PIEZO2: variants seen among roughly 807,000 people sequenced by gnomAD.
The protein encoded by PIEZO2 is piezo-type mechanosensitive ion channel component 2.
PIEZO2 carries 172 observed loss-of-function variants against 337.3 expected under a neutral mutation model. The observed-to-expected ratio is 0.51, with a 90% confidence interval of 0.45 to 0.58. The LOEUF (loss-of-function observed/expected upper bound fraction) is 0.58. Among genes scored for constraint, PIEZO2 ranks in the 20% least tolerant of loss-of-function variants. PIEZO2 has a pLI of 0.00. For synonymous variants in PIEZO2, 1,251 were observed against 1,228.5 expected (o/e 1.02, Z -0.38); for missense variants, 3,028 against 3,391.3 (o/e 0.89, Z 2.66).
intron 7 of PIEZO2, among the ~76,000 whole-genome samples, chr18:10,852,677 T>C (rs2041589211): frequency 6.6e-6 from 1 of 152,222 alleles, no homozygotes; most frequent in Admixed American, 6.5e-5. Flanking sequence ...ATATTCATGT[T>C]CTTTTAAATT....
rs1222258212 is a variant in PIEZO2 at position 10,675,035 on chromosome 18, G to A, written c.8161+174C>T. 8.5e-5 allele frequency among the ~76,000 whole-genome samples: 13 copies of A among 152,304 alleles called. No individual in the cohort carries two copies. The East Asian group carries it at 1.9e-3, about 23-fold the overall frequency. The stretch of plus-strand genomic sequence containing the variant: ...AGAAAATGAAGAATGTGGGTCCCAG[G>A]TGAGTGAGTGACTCCTTTGGGCTAG... On this transcript the variant is annotated intron_variant, in intron 54 of 55. Transcript: ENST00000674853.
chr18:10,763,784 G>C (rs2038237515), intron 21 of PIEZO2, among the ~76,000 whole-genome samples: 1 of 152,196 alleles, frequency 6.6e-6, no homozygotes, highest in Non-Finnish European at 1.5e-5. Context: ...GTGGGGACTG[G>C]ACACGACTTT....
In PIEZO2 at chr18:11,096,084, C is replaced by T. The variant is rs1394680917; in HGVS notation, c.65-29862G>A. Among the ~76,000 whole-genome samples the T allele has an allele frequency of 1.3e-5, 2 of 152,226 alleles. No individual in the cohort carries two copies. The highest frequency in any genetic ancestry group is 6.5e-5 in the Admixed American group (1 of 15,286). Reference sequence around the variant, plus strand: ...CTGCATGGAAAGGGCTTGGAACCAGCGGAGCTGTCCAAGTGAGGCTTCCAT... The same window carrying T: ...CTGCATGGAAAGGGCTTGGAACCAGTGGAGCTGTCCAAGTGAGGCTTCCAT... On this transcript the variant is annotated intron_variant, in intron 1 of 55. Transcript: ENST00000674853. This position sits in a 1 kb window ranked among gnomAD's most constrained non-coding sequence, Gnocchi z 4.6.
At chr18:10,786,250 A>G (rs1360478614) in intron 16 of PIEZO2, among the ~76,000 whole-genome samples, 1 of 152,224 alleles carries the variant, frequency 6.6e-6, no homozygotes, top group African/African-American at 2.4e-5. Flanking sequence ...TTTTACACTA[A>G]ATAGTTTTGT....
rs190514941 is a variant in PIEZO2 at position 10,723,885 on chromosome 18, T to C, written c.5030-5626A>G. ...CAGATGGCTCAGAGGAGAGAGGGTA[T>C]TCTGGGGGGTACTGGCATAAGCATG... On this transcript the variant is annotated intron_variant, in intron 36 of 55. Transcript: ENST00000674853. Among the ~76,000 whole-genome samples the C allele has an allele frequency of 2.6e-5, 4 of 152,292 alleles. No homozygotes were observed. The East Asian group carries it at 7.7e-4, about 29-fold the overall frequency.
At position 11,125,815 on chromosome 18, in the gene PIEZO2, A is replaced by T. The variant is rs2040165825; in HGVS notation, c.64+22710T>A. Reference sequence around the variant, plus strand: ...GTCCCTGCCAGCATTGGCTTTCATCAATTTGATTGTATGAAGTGGCTGAGT... The same window carrying T: ...GTCCCTGCCAGCATTGGCTTTCATCTATTTGATTGTATGAAGTGGCTGAGT... On this transcript the variant is annotated intron_variant, in intron 1 of 55. Transcript: ENST00000674853. The surrounding 1 kb of genome is among the most constrained non-coding windows in gnomAD (Gnocchi z 4.4). Among the ~76,000 whole-genome samples the T allele has an allele frequency of 6.6e-6, 1 of 152,122 alleles. No homozygotes were observed. The highest frequency in any genetic ancestry group is 2.1e-4 in the South Asian group (1 of 4,822).
intron 4 of PIEZO2, among the ~76,000 whole-genome samples, chr18:10,909,182 G>A (rs191009204): frequency 1.3e-5 from 2 of 152,250 alleles, no homozygotes; most frequent in African/African-American, 2.4e-5. Context: ...TGTTCCCAGA[G>A]GCTGAACGTG....
At chr18:10,984,403 C>G (rs993155485) in intron 2 of PIEZO2, among the ~76,000 whole-genome samples, 1 of 151,498 alleles carries the variant, frequency 6.6e-6, no homozygotes, top group South Asian at 2.1e-4. Context: ...AAAGAAAGAA[C>G]CAAACAAAAA....
At chr18:10,718,852 G>A (rs1037936075) in intron 36 of PIEZO2, among the ~76,000 whole-genome samples, 2 of 151,920 alleles carry the variant, frequency 1.3e-5, no homozygotes, top group African/African-American at 4.8e-5. Flanking sequence ...AATATTAGCT[G>A]GGTGTGGTGG....
intron 11 of PIEZO2, 63 bp from the exon 12 acceptor site, chr18:10,797,585 C>T: frequency 6.6e-7 from 1 of 1,523,462 alleles, no homozygotes; most frequent in Middle Eastern, 1.7e-4. Flanking sequence ...ATAAATGTTC[C>T]AAGCAATGCA....
chr18:10,726,502 G>T lies in PIEZO2; in HGVS notation c.5029+4905C>A. The T allele has an allele frequency of 6.7e-7, 1 of 1,496,356 alleles. No individual in the cohort carries two copies. Among genetic ancestry groups the T allele is most frequent in the Non-Finnish European group, 8.9e-7 (1 of 1,128,380 alleles). 92.7% of individuals were successfully genotyped at this position (1,496,356 alleles called of 1,614,324 possible). A position where few individuals can be genotyped will look rare whatever the true frequency, so the allele number is the denominator to read the frequency against. ...CCCTGCACAGCGTGCTGCTCCGCAAGCAGCCGTTCCTGTGGCGCGCTGCGC... is the reference window on the plus strand; with the variant it reads ...CCCTGCACAGCGTGCTGCTCCGCAATCAGCCGTTCCTGTGGCGCGCTGCGC... On this transcript the variant is annotated intron_variant, in intron 36 of 55. Coordinates refer to ENST00000674853, the MANE Select transcript of PIEZO2 (RefSeq NM_001378183.1). This position sits in a 1 kb window ranked among gnomAD's most constrained non-coding sequence, Gnocchi z 5.9.
intron 36 of PIEZO2, among the ~76,000 whole-genome samples, chr18:10,722,957 A>ATTTTTAT (rs2036381774): frequency 3.6e-5 from 3 of 84,340 alleles, no homozygotes; most frequent in South Asian, 9.7e-4. Flanking sequence ...GGATGCAGTG[A>ATTTTTAT]TTTTTTTTTT....
intron 36 of PIEZO2, among the ~76,000 whole-genome samples, chr18:10,721,721 G>A (rs887545726): frequency 1.3e-5 from 2 of 152,096 alleles, no homozygotes; most frequent in East Asian, 1.9e-4. Context: ...AAACACACCC[G>A]AGAAGAAAGA....
chr18:11,024,519 C>G lies in PIEZO2; in HGVS notation c.160+41608G>C, dbSNP rs557229410. Among the ~76,000 whole-genome samples, 999 of 143,160 alleles carry G rather than the reference C, an allele frequency of 7.0e-3. 12 individuals are homozygous for G. The highest frequency in any genetic ancestry group is 8.5e-3 in the Non-Finnish European group (566 of 66,266). 93.9% of individuals were successfully genotyped at this position (143,160 alleles called of 152,430 possible). A position where few individuals can be genotyped will look rare whatever the true frequency, so the allele number is the denominator to read the frequency against. On this transcript the variant is annotated intron_variant, in intron 2 of 55. Transcript: ENST00000674853. The stretch of plus-strand genomic sequence containing the variant: ...CGAGATCGCGCCACTGCACTCCAGC[C>G]TGGGCGACAGAGCGAGACTCTGTCT...
intron 4 of PIEZO2, among the ~76,000 whole-genome samples, chr18:10,892,216 G>T (rs552106505): frequency 3.9e-5 from 6 of 152,030 alleles, no homozygotes; most frequent in Non-Finnish European, 8.8e-5. Flanking sequence ...AATACCATTA[G>T]CAATAAAAGG....
Position 10,980,537 on chromosome 18 carries a change from T to G in PIEZO2, c.161-877A>C, listed in dbSNP as rs184524510. Among the ~76,000 whole-genome samples, 5 of 152,298 alleles carry G rather than the reference T, an allele frequency of 3.3e-5. No homozygotes were observed. The highest frequency in any genetic ancestry group is 1.2e-4 in the African/African-American group (5 of 41,572). On this transcript the variant is annotated intron_variant, in intron 2 of 55. Transcript: ENST00000674853. This position sits in a 1 kb window ranked among gnomAD's most constrained non-coding sequence, Gnocchi z 4.8. ...CTGGTCAATGCCATAAGATAAGAGA[T>G]ACAATGAAGATTGTTAACTAGACTT...
At chr18:11,000,483 C>T (rs961644465) in intron 2 of PIEZO2, among the ~76,000 whole-genome samples, 8 of 152,132 alleles carry the variant, frequency 5.3e-5, no homozygotes, top group Non-Finnish European at 8.8e-5. Context: ...GACAGTGCTG[C>T]AGAGTATAGG....
intron 1 of PIEZO2, among the ~76,000 whole-genome samples, chr18:11,074,465 C>T (rs1337675171): frequency 6.6e-6 from 1 of 152,144 alleles, no homozygotes; most frequent in Non-Finnish European, 1.5e-5. Flanking sequence ...CAACAGCTGA[C>T]AGTAATTCCC....
intron 20 of PIEZO2, 52 bp from the exon 21 acceptor site, chr18:10,770,360 A>C: frequency 1.4e-6 from 2 of 1,457,186 alleles, no homozygotes; most frequent in Non-Finnish European, 1.8e-6. Context: ...AAATATTATC[A>C]TTTAAAGCAT....
Sources: allele counts gnomAD v4.1 joint callset (sites outside exome capture counted in the v4.1 genomes callset), GRCh38; gene constraint gnomAD v4.1.1; non-coding constraint Gnocchi (gnomAD v3.1); transcripts MANE v1.5; gene names NCBI Gene and HGNC (gene_info 2026-07-23, HGNC 2026-07-21).